TRHDE: variants seen among roughly 807,000 people sequenced by gnomAD.
The protein encoded by TRHDE is thyrotropin-releasing hormone-degrading ectoenzyme.
Under a neutral mutation model 125.7 loss-of-function variants are expected in TRHDE, and 72 were observed. That is an observed-to-expected ratio of 0.57 (90% CI 0.47 to 0.70). The LOEUF is 0.70. TRHDE is among the 30% of genes least tolerant of loss of function. The pLI is 0.00. For missense variants in TRHDE, 1,110 were observed against 1,327.1 expected (o/e 0.84, Z 2.54); for synonymous variants, 509 against 509.1 (o/e 1.00, Z 0.00).
At chr12:72,326,873 G>A (rs901215432) in intron 2 of TRHDE, among the ~76,000 whole-genome samples, 1 of 152,116 alleles carries the variant, frequency 6.6e-6, no homozygotes, top group Non-Finnish European at 1.5e-5. Flanking sequence ...CTTAAATGGT[G>A]AACACTTTGA....
intron 3 of TRHDE, among the ~76,000 whole-genome samples, chr12:72,440,233 G>A (rs1380987488): frequency 6.6e-6 from 1 of 151,730 alleles, no homozygotes; most frequent in Non-Finnish European, 1.5e-5. Context: ...TTTTTGCAGT[G>A]TCTTTGTCTG....
intron 6 of TRHDE, among the ~76,000 whole-genome samples, chr12:72,528,547 G>A (rs1385522090): frequency 6.6e-6 from 1 of 151,852 alleles, no homozygotes. Flanking sequence ...ACGGAGTCTC[G>A]CTTTGTCCTC....
intron 2 of TRHDE, among the ~76,000 whole-genome samples, chr12:72,190,718 A>G (rs373899085): frequency 5.9e-5 from 9 of 152,336 alleles, no homozygotes; most frequent in South Asian, 4.1e-4. Flanking sequence ...AGATGCCATT[A>G]TATCTTTCCT....
chr12:72,659,143 G>A (rs893590588), intron 18 of TRHDE, among the ~76,000 whole-genome samples: 3 of 152,132 alleles, frequency 2.0e-5, no homozygotes, highest in African/African-American at 7.2e-5. Flanking sequence ...AGATTTTAAT[G>A]ATCCTCATCA....
chr12:72,536,615 G>A (rs911343397), intron 6 of TRHDE, among the ~76,000 whole-genome samples: 7 of 152,000 alleles, frequency 4.6e-5, no homozygotes, highest in African/African-American at 1.7e-4. Context: ...CCTTTGTGAT[G>A]GTAAATGCAG....
chr12:72,487,294 C>T lies in TRHDE; in HGVS notation c.1585-12204C>T, dbSNP rs114015329. Among the ~76,000 whole-genome samples the T allele has an allele frequency of 3.2e-3, 481 of 152,092 alleles. 1 individual carries two copies. Among genetic ancestry groups the T allele is most frequent in the African/African-American group, 0.011 (440 of 41,500 alleles). ...ATATTGTCAGTAGTCCCCAAACAGT[C>T]GCCAAACAGAAATAACTCAAAGATG... On this transcript the variant is annotated intron_variant, in intron 5 of 18. Coordinates refer to ENST00000261180, the MANE Select transcript of TRHDE (RefSeq NM_013381.3).
At chr12:72,262,239 G>T (rs185191603) in intron 2 of TRHDE, among the ~76,000 whole-genome samples, 1 of 152,232 alleles carries the variant, frequency 6.6e-6, no homozygotes, top group East Asian at 1.9e-4. Flanking sequence ...AGATCTGAAG[G>T]CTCATTCTGT....
chr12:72,328,416 A>G (rs1022979407), intron 2 of TRHDE, among the ~76,000 whole-genome samples: 9 of 150,654 alleles, frequency 6.0e-5, no homozygotes, highest in Non-Finnish European at 8.8e-5. Context: ...TCACATTTCT[A>G]TTGGTTTTTT....
At chr12:72,618,868 T>C in intron 12 of TRHDE, 23 bp from the exon 13 acceptor site, 1 of 1,462,090 alleles carries the variant, frequency 6.8e-7, no homozygotes, top group Non-Finnish European at 9.0e-7. Flanking sequence ...TCATCATGTA[T>C]CTTTTTTTTT....
chr12:72,168,210 TTTTTAAAAGAAATATTCCAAA>T, intron 2 of TRHDE, among the ~76,000 whole-genome samples: 1 of 152,326 alleles, frequency 6.6e-6, no homozygotes, highest in East Asian at 1.9e-4. Flanking sequence ...TGAAAGCAGC[TTTTTAAAAGAAATATTCCAAA>T]TTTTCTAGAA....
intron 15 of TRHDE, among the ~76,000 whole-genome samples, chr12:72,628,387 A>G (rs1407587892): frequency 2.6e-5 from 4 of 151,704 alleles, no homozygotes; most frequent in Non-Finnish European, 5.9e-5. Flanking sequence ...AGTGGAAACA[A>G]CAGTGTGTAA....
At chr12:72,359,816 A>G (rs1209644923) in intron 2 of TRHDE, among the ~76,000 whole-genome samples, 1 of 151,714 alleles carries the variant, frequency 6.6e-6, no homozygotes, top group Non-Finnish European at 1.5e-5. Context: ...TAATAAGGAC[A>G]TTTTGAAAAA....
intron 6 of TRHDE, among the ~76,000 whole-genome samples, chr12:72,513,349 C>A (rs1256487740): frequency 6.6e-6 from 1 of 152,032 alleles, no homozygotes; most frequent in African/African-American, 2.4e-5. Context: ...ACAAAGACAC[C>A]CTTTCTCTTT....
At chr12:72,347,928 G>A (rs1870403829) in intron 2 of TRHDE, among the ~76,000 whole-genome samples, 1 of 151,932 alleles carries the variant, frequency 6.6e-6, no homozygotes, top group African/African-American at 2.4e-5. Context: ...ATTACAGAAG[G>A]GTGTGAATAC....
intron 10 of TRHDE, 96 bp from the exon 11 acceptor site, chr12:72,575,159 A>G (rs1270718523): frequency 1.7e-6 from 2 of 1,143,126 alleles, no homozygotes; most frequent in Non-Finnish European, 2.5e-6. Flanking sequence ...ACATTCACTT[A>G]ATTATTGGTA....
intron 3 of TRHDE, among the ~76,000 whole-genome samples, chr12:72,387,223 G>A (rs957487882): frequency 2.0e-5 from 3 of 152,116 alleles, no homozygotes; most frequent in African/African-American, 7.2e-5. Context: ...CCATCATTTG[G>A]ATATAAAATC....
intron 3 of TRHDE, among the ~76,000 whole-genome samples, chr12:72,401,432 G>A (rs1174076911): frequency 6.6e-6 from 1 of 152,166 alleles, no homozygotes; most frequent in Non-Finnish European, 1.5e-5. Context: ...TTTGAAGCAA[G>A]TGGAAAAGTT....
At chr12:72,337,067 G>C (rs1259938768) in intron 2 of TRHDE, among the ~76,000 whole-genome samples, 2 of 152,170 alleles carry the variant, frequency 1.3e-5, no homozygotes, top group African/African-American at 4.8e-5. Flanking sequence ...CATTTTAATT[G>C]AGAAGCCCCA....
Position 72,273,204 on chromosome 12 carries a change from G to T in TRHDE, c.561G>T (p.Ser187=). The T allele has an allele frequency of 6.2e-7, 1 of 1,603,456 alleles. No individual in the cohort carries two copies. Among genetic ancestry groups the T allele is most frequent in the Non-Finnish European group, 8.5e-7 (1 of 1,172,192 alleles). Residue 187 remains serine (S), a synonymous_variant, in exon 1 of 19, where the codon TCG becomes TCT. Transcript: ENST00000261180. This position sits in a 1 kb window ranked among gnomAD's most constrained non-coding sequence, Gnocchi z 5.3. ...AGCCGTGGACGCAGCTGCGCCTGTCGGGCCACCTGAAGCCGCTGCACTACA... is the reference window on the plus strand; with the variant it reads ...AGCCGTGGACGCAGCTGCGCCTGTCTGGCCACCTGAAGCCGCTGCACTACA... ...PWEPWTQLRL[S]GHLKPLHYNL...
Sources: gnomAD v4.1 joint callset for allele counts (sites outside exome capture counted in the v4.1 genomes callset) on GRCh38, gnomAD v4.1.1 for gene constraint, Gnocchi (gnomAD v3.1) non-coding constraint, MANE v1.5 for transcripts, NCBI Gene and HGNC (gene_info 2026-07-23, HGNC 2026-07-21) for gene names.